CTNNA1: variants seen among roughly 807,000 people sequenced by gnomAD.
The protein encoded by CTNNA1 is catenin alpha-1.
CTNNA1 carries 37 observed loss-of-function variants against 98.4 expected under a neutral mutation model. That is an observed-to-expected ratio of 0.38 (90% CI 0.29 to 0.49). CTNNA1 has a LOEUF of 0.49. Among genes scored for constraint, CTNNA1 ranks in the 20% least tolerant of loss-of-function variants. CTNNA1 has a pLI of 0.95. For synonymous variants in CTNNA1, 404 were observed against 413.2 expected, an observed-to-expected ratio of 0.98 and a Z score of 0.27; for missense variants, 761 against 1,147.2, an observed-to-expected ratio of 0.66 and a Z score of 4.86.
chr5:138,778,515 C>G (rs937660059), intron 1 of CTNNA1, among the ~76,000 whole-genome samples: 17 of 152,080 alleles, frequency 1.1e-4, no homozygotes, highest in Non-Finnish European at 1.6e-4. Context: ...GGTGGCATCT[C>G]AGGTTTCTGG....
At chr5:138,838,539 T>C (rs925865097) in intron 7 of CTNNA1, among the ~76,000 whole-genome samples, 14 of 152,142 alleles carry the variant, frequency 9.2e-5, no homozygotes, top group African/African-American at 3.4e-4. Context: ...AATTTTTTTT[T>C]CCTCTAATAC....
At position 138,874,152 on chromosome 5, in the gene CTNNA1, T is replaced by C. The variant is rs774597405; in HGVS notation, c.1063-12060T>C. The C allele has an allele frequency of 6.2e-7, 1 of 1,613,754 alleles. No individual in the cohort carries two copies. The highest frequency in any genetic ancestry group is 8.5e-7 in the Non-Finnish European group (1 of 1,179,752). On this transcript the variant is annotated intron_variant, in intron 7 of 17. Transcript: ENST00000302763. The surrounding 1 kb of genome is among the most constrained non-coding windows in gnomAD (Gnocchi z 4.1). Reference sequence around the variant, plus strand: ...AGCTGATTAAAAGACAGGTCCAAATTTTGCAGGTTAATCAGTTGGGTAAAA... The same window carrying C: ...AGCTGATTAAAAGACAGGTCCAAATCTTGCAGGTTAATCAGTTGGGTAAAA...
chr5:138,785,769 G>A (rs554385967), intron 3 of CTNNA1, among the ~76,000 whole-genome samples: 1 of 151,774 alleles, frequency 6.6e-6, no homozygotes, highest in Non-Finnish European at 1.5e-5. Context: ...GTAGTGTAGT[G>A]TAGTATAGTA....
At chr5:138,824,108 G>A (rs1190547798) in intron 5 of CTNNA1, among the ~76,000 whole-genome samples, 1 of 151,828 alleles carries the variant, frequency 6.6e-6, no homozygotes, top group Non-Finnish European at 1.5e-5. Flanking sequence ...TTGTAATCAA[G>A]ATGCTAGGCA....
intron 3 of CTNNA1, among the ~76,000 whole-genome samples, chr5:138,790,759 T>A (rs991506027): frequency 3.3e-5 from 5 of 152,346 alleles, no homozygotes; most frequent in Non-Finnish European, 2.9e-5. Context: ...GACAAGATTA[T>A]GGTAGTCTGG....
intron 9 of CTNNA1, among the ~76,000 whole-genome samples, chr5:138,896,065 T>C (rs1353777965): frequency 6.6e-6 from 1 of 152,210 alleles, no homozygotes; most frequent in Non-Finnish European, 1.5e-5. Flanking sequence ...AGTGGAAGTG[T>C]TTTATGATGC....
At chr5:138,766,683 G>A (rs1243547315) in intron 1 of CTNNA1, among the ~76,000 whole-genome samples, 1 of 152,052 alleles carries the variant, frequency 6.6e-6, no homozygotes, top group Non-Finnish European at 1.5e-5. Context: ...TTTGGTCAGC[G>A]GAGAAGGGGA....
intron 11 of CTNNA1, among the ~76,000 whole-genome samples, chr5:138,923,067 T>TG (rs1359198949): frequency 6.6e-6 from 1 of 152,208 alleles, no homozygotes; most frequent in East Asian, 1.9e-4. Context: ...ATCAATGATA[T>TG]GAGAAAACAC....
At chr5:138,761,603 T>TTA in intron 1 of CTNNA1, among the ~76,000 whole-genome samples, 1 of 151,970 alleles carries the variant, frequency 6.6e-6, no homozygotes, top group East Asian at 1.9e-4. Context: ...AATGAACAGG[T>TTA]AAAAAAATTT....
intron 5 of CTNNA1, among the ~76,000 whole-genome samples, chr5:138,823,768 T>C (rs1160370619): frequency 6.6e-6 from 1 of 151,474 alleles, no homozygotes; most frequent in Non-Finnish European, 1.5e-5. Context: ...CCATCCCGGC[T>C]AAAACGGTGA....
rs529217936 is a variant in CTNNA1 at position 138,753,541 on chromosome 5, G to C, written c.-3+31G>C. On this transcript the variant is annotated intron_variant, in intron 1 of 17. Coordinates refer to ENST00000302763, the MANE Select transcript of CTNNA1 (RefSeq NM_001903.5). ...TTCGTACCTCCCTCCTCGCGGGCGC[G>C]GTCTCTCGGGCCAGGCCGAGAGGGT... 1,812 of 375,156 alleles carry C rather than the reference G, an allele frequency of 4.8e-3. 27 individuals are homozygous for C. Among genetic ancestry groups the C allele is most frequent in the Admixed American group, 0.035 (766 of 21,850 alleles). 23.2% of individuals were successfully genotyped at this position (375,156 alleles called of 1,614,324 possible).
chr5:138,776,330 C>G lies in CTNNA1; in HGVS notation c.-2-5593C>G, dbSNP rs143368498. Among the ~76,000 whole-genome samples, 741 of 151,714 alleles carry G rather than the reference C, an allele frequency of 4.9e-3. 4 individuals are homozygous for G. Among genetic ancestry groups the G allele is most frequent in the African/African-American group, 0.015 (608 of 41,498 alleles). On this transcript the variant is annotated intron_variant, in intron 1 of 17. Transcript: ENST00000302763. ...ATCCATTCAACCCTGAGTGGACACA[C>G]CACATGTTTCAGAGAGCACAGGGTT...
chr5:138,851,305 T>G (rs1175640420), intron 7 of CTNNA1, among the ~76,000 whole-genome samples: 1 of 152,154 alleles, frequency 6.6e-6, no homozygotes, highest in Non-Finnish European at 1.5e-5. Flanking sequence ...CTGGGGCCCT[T>G]GACTTCACAT....
chr5:138,932,007 C>G (rs1765454084), intron 16 of CTNNA1: 1 of 985,452 alleles, frequency 1.0e-6, no homozygotes, highest in Admixed American at 6.1e-5. Flanking sequence ...CAGGGGCCAC[C>G]CTTTTCTCTT....
chr5:138,851,994 T>C (rs193164019), intron 7 of CTNNA1, among the ~76,000 whole-genome samples: 2 of 152,024 alleles, frequency 1.3e-5, no homozygotes. Flanking sequence ...TGCTTGAACC[T>C]GGGAGGTGGA....
In CTNNA1 at chr5:138,902,415, C is replaced by G. The variant is rs529845352; in HGVS notation, c.1297-1934C>G. Among the ~76,000 whole-genome samples the G allele has an allele frequency of 2.0e-5, 3 of 152,170 alleles. No individual in the cohort carries two copies. In the South Asian group the frequency reaches 6.2e-4, roughly 32 times the overall value. ...GGGTGCTGGGCACCTCACCAGGGAT[C>G]TTTGTTTTTTGTTTTTGTTTTTGAG... On this transcript the variant is annotated intron_variant, in intron 9 of 17. Transcript: ENST00000302763.
chr5:138,779,878 A>C (rs949463948), intron 1 of CTNNA1, among the ~76,000 whole-genome samples: 15 of 151,510 alleles, frequency 9.9e-5, no homozygotes, highest in Non-Finnish European at 1.6e-4. Context: ...ACCACACTGG[A>C]CTAATTTTTG....
At chr5:138,921,115 TGCTG>T (rs1762831673) in intron 11 of CTNNA1, among the ~76,000 whole-genome samples, 1 of 152,228 alleles carries the variant, frequency 6.6e-6, no homozygotes. Context: ...TGGTTTAAGA[TGCTG>T]GCATTCAGCA....
chr5:138,777,339 T>A (rs1411006232), intron 1 of CTNNA1, among the ~76,000 whole-genome samples: 42 of 139,840 alleles, frequency 3.0e-4, no homozygotes, highest in South Asian at 1.2e-3. Flanking sequence ...CTAGATGGGA[T>A]GGCGGCCGGG....
Sources: allele counts gnomAD v4.1 joint callset (sites outside exome capture counted in the v4.1 genomes callset), GRCh38; gene constraint gnomAD v4.1.1; non-coding constraint Gnocchi (gnomAD v3.1); transcripts MANE v1.5; gene names NCBI Gene and HGNC (gene_info 2026-07-23, HGNC 2026-07-21).